The following TRPC6 variants were observed in gnomAD, a reference collection of about 807,000 sequenced individuals.
TRPC6 encodes the protein transient receptor potential cation channel subfamily C member 6.
TRPC6 carries 55 observed loss-of-function variants against 90.7 expected under a neutral mutation model. The observed-to-expected ratio is 0.61, with a 90% CI of 0.49 to 0.76. The LOEUF (loss-of-function observed/expected upper bound fraction) is 0.76. TRPC6 is among the 30% of genes least tolerant of loss of function. The pLI is 0.00. For synonymous variants in TRPC6, 393 were observed against 393.0 expected, an observed-to-expected ratio of 1.00 and a Z score of 0.00; for missense variants, 989 against 1,122.7, an observed-to-expected ratio of 0.88 and a Z score of 1.70.
intron 1 of TRPC6, among the ~76,000 whole-genome samples, chr11:101,550,136 G>A (rs1456635191): frequency 1.3e-5 from 2 of 151,392 alleles, no homozygotes; most frequent in Non-Finnish European, 1.5e-5. Context: ...ATTTTTTTAA[G>A]ATGTTTTTTG....
At chr11:101,548,393 T>C (rs1216962499) in intron 1 of TRPC6, among the ~76,000 whole-genome samples, 1 of 143,798 alleles carries the variant, frequency 7.0e-6, no homozygotes, top group Admixed American at 7.2e-5. Flanking sequence ...ATATATTATG[T>C]ATAATATATA....
At chr11:101,523,645 C>G (rs559547032) in intron 1 of TRPC6, among the ~76,000 whole-genome samples, 1 of 152,138 alleles carries the variant, frequency 6.6e-6, no homozygotes, top group Non-Finnish European at 1.5e-5. Flanking sequence ...TTAGTTTAGA[C>G]AGGAGTTCAT....
In TRPC6 at chr11:101,455,192, T is replaced by C. The variant is rs140287676; in HGVS notation, c.2485-91A>G. 7.0e-6 allele frequency: 7 copies of C among 995,272 alleles called. No homozygotes were observed. In the East Asian group the frequency reaches 1.8e-4, roughly 25 times the overall value. 61.7% of individuals were successfully genotyped at this position (995,272 alleles called of 1,614,324 possible). A position where few individuals can be genotyped will look rare whatever the true frequency, so the allele number is the denominator to read the frequency against. ...TTAGTTATCTAATGAACTAATAGTC[T>C]TACATACACAAATTATCTATATGTA... On this transcript the variant is annotated intron_variant, in intron 10 of 12. Transcript: ENST00000344327.
At chr11:101,534,594 A>G (rs965497496) in intron 1 of TRPC6, among the ~76,000 whole-genome samples, 1 of 151,876 alleles carries the variant, frequency 6.6e-6, no homozygotes, top group African/African-American at 2.4e-5. Flanking sequence ...AAAAAAAAAA[A>G]CCCAGGTCAC....
chr11:101,556,187 G>A (rs73584454), intron 1 of TRPC6, among the ~76,000 whole-genome samples: 3,995 of 152,176 alleles, frequency 0.026, 104 homozygotes, highest in African/African-American at 0.06. Context: ...TAAGCCCATA[G>A]TTAGCAGAAG....
chr11:101,519,306 T>C (rs1860595888), intron 1 of TRPC6, among the ~76,000 whole-genome samples: 1 of 123,650 alleles, frequency 8.1e-6, no homozygotes, highest in Non-Finnish European at 1.8e-5. Flanking sequence ...CTGTACCCCA[T>C]AAATATATAC....
chr11:101,554,506 A>T lies in TRPC6; in HGVS notation c.170+28828T>A, dbSNP rs59648291. Among the ~76,000 whole-genome samples, 2,918 of 152,222 alleles carry T rather than the reference A, an allele frequency of 0.019. 174 individuals carry two copies. In the East Asian group the frequency reaches 0.22, roughly 12 times the overall value. Reference sequence around the variant, plus strand: ...GTTTGCATGAATGTATGTATAAAACATATATATAAATTGGGAATATGGTGG... The same window carrying T: ...GTTTGCATGAATGTATGTATAAAACTTATATATAAATTGGGAATATGGTGG... On this transcript the variant is annotated intron_variant, in intron 1 of 12. Transcript: ENST00000344327.
intron 1 of TRPC6, among the ~76,000 whole-genome samples, chr11:101,569,266 A>G (rs1180595102): frequency 6.6e-6 from 1 of 152,186 alleles, no homozygotes; most frequent in East Asian, 1.9e-4. Context: ...CAAATGAAAC[A>G]AAGAAGGCCA....
chr11:101,546,445 G>A (rs965545786), intron 1 of TRPC6, among the ~76,000 whole-genome samples: 1 of 152,106 alleles, frequency 6.6e-6, no homozygotes, highest in African/African-American at 2.4e-5. Flanking sequence ...TAACATGGAG[G>A]TTCCTCGGTA....
At chr11:101,471,968 T>C (rs1859302177) in intron 8 of TRPC6, among the ~76,000 whole-genome samples, 169 bp downstream of exon 8, 2 of 152,186 alleles carry the variant, frequency 1.3e-5, no homozygotes, top group Admixed American at 1.3e-4. Flanking sequence ...GATGTTGCAT[T>C]TGGAAGCAAA....
rs368290815 is a variant in TRPC6 at position 101,520,618 on chromosome 11, C to T, written c.171-15820G>A. On this transcript the variant is annotated intron_variant, in intron 1 of 12. Transcript: ENST00000344327. ...TTGTTTTGGAGGGCTCAGAAGAAGA[C>T]ACGAAGATGAGGAAAGATTTGGAAC... 6.6e-5 allele frequency among the ~76,000 whole-genome samples: 10 copies of T among 152,072 alleles called. No individual in the cohort carries two copies. The East Asian group carries it at 1.4e-3, about 21-fold the overall frequency.
At chr11:101,490,645 G>A (rs554484656) in intron 3 of TRPC6, among the ~76,000 whole-genome samples, 6 of 152,184 alleles carry the variant, frequency 3.9e-5, no homozygotes, top group African/African-American at 1.4e-4. Flanking sequence ...TAGTAGAGAC[G>A]GGGTTTCACT....
chr11:101,552,240 T>C (rs1001875577), intron 1 of TRPC6, among the ~76,000 whole-genome samples: 10 of 152,076 alleles, frequency 6.6e-5, no homozygotes, highest in South Asian at 2.1e-4. Flanking sequence ...CATTTTCCAC[T>C]GGGCAGCAGG....
intron 1 of TRPC6, among the ~76,000 whole-genome samples, chr11:101,515,560 C>T (rs1309116560): frequency 1.3e-5 from 2 of 151,992 alleles, no homozygotes; most frequent in African/African-American, 4.8e-5. Context: ...AAAAAAGCAA[C>T]ATGAAAAGAA....
chr11:101,467,885 T>C (rs1288849367), intron 10 of TRPC6, among the ~76,000 whole-genome samples: 2 of 152,234 alleles, frequency 1.3e-5, no homozygotes, highest in Non-Finnish European at 2.9e-5. Context: ...CACTGAACTA[T>C]CCTTTCTAGA....
At chr11:101,509,454 A>G (rs987037365) in intron 1 of TRPC6, among the ~76,000 whole-genome samples, 1 of 152,068 alleles carries the variant, frequency 6.6e-6, no homozygotes, top group Non-Finnish European at 1.5e-5. Context: ...CTTGTATCTC[A>G]ATTTTTAATC....
At chr11:101,583,106 A>T (rs558039987) in intron 1 of TRPC6, 3 of 937,896 alleles carry the variant, frequency 3.2e-6, no homozygotes, top group African/African-American at 3.6e-5. Flanking sequence ...AAACATATCC[A>T]TGCGTACCTA....
chr11:101,484,575 A>ATC (rs10627556), intron 4 of TRPC6, among the ~76,000 whole-genome samples: 52,512 of 146,288 alleles, frequency 0.36, 10,512 homozygotes, highest in African/African-American at 0.55. Context: ...ATTGTATTGT[A>ATC]TCTCTCTCTC....
chr11:101,460,918 G>A (rs774586032), intron 10 of TRPC6, among the ~76,000 whole-genome samples: 26 of 152,078 alleles, frequency 1.7e-4, no homozygotes, highest in Non-Finnish European at 2.2e-4. Context: ...CCTCTTATCC[G>A]TAAGAAAACA....
Sources: gnomAD v4.1 joint callset for allele counts (sites outside exome capture counted in the v4.1 genomes callset) on GRCh38, gnomAD v4.1.1 for gene constraint, MANE v1.5 for transcripts, NCBI Gene and HGNC (gene_info 2026-07-23, HGNC 2026-07-21) for gene names.